KIF16B: variants seen among roughly 807,000 people sequenced by gnomAD.
KIF16B encodes kinesin family member 16B, also known as kinesin-like protein KIF16B.
Under a neutral mutation model 156.3 loss-of-function variants are expected in KIF16B, and 98 were observed. The ratio of observed to expected loss-of-function variants is 0.63; its 90% CI spans 0.53 to 0.74. The LOEUF (loss-of-function observed/expected upper bound fraction) is 0.74, where lower values mean the gene tolerates loss of function less well. KIF16B is among the 30% of genes least tolerant of loss of function. The pLI is 0.00. For missense variants in KIF16B, 1,421 were observed against 1,606.5 expected (o/e 0.88, Z 1.97); for synonymous variants, 564 against 583.7 (o/e 0.97, Z 0.49).
intron 1 of KIF16B, among the ~76,000 whole-genome samples, chr20:16,548,051 CA>C (rs1208046924): frequency 6.6e-6 from 1 of 152,190 alleles, no homozygotes; most frequent in East Asian, 1.9e-4. Context: ...TTAAATGTTT[CA>C]GAGGCACAAT....
At chr20:16,472,553 T>TAAAAAAAAAAAAAAA (rs11318601) in intron 12 of KIF16B, among the ~76,000 whole-genome samples, 2 of 113,562 alleles carry the variant, frequency 1.8e-5, no homozygotes, top group Non-Finnish European at 1.8e-5. Flanking sequence ...CATCTGAAAT[T>TAAAAAAAAAAAAAAA]AAAAAAAAAA....
intron 12 of KIF16B, among the ~76,000 whole-genome samples, chr20:16,433,222 T>C (rs2066549637): frequency 1.3e-5 from 2 of 152,186 alleles, no homozygotes; most frequent in Admixed American, 6.5e-5. Context: ...GTGACCAAAC[T>C]GCACACACAG....
At chr20:16,394,821 C>T (rs1428580716) in intron 17 of KIF16B, among the ~76,000 whole-genome samples, 7 of 152,090 alleles carry the variant, frequency 4.6e-5, no homozygotes, top group African/African-American at 1.7e-4. Flanking sequence ...TCTTCCCTCC[C>T]AGGACACGCA....
intron 15 of KIF16B, among the ~76,000 whole-genome samples, chr20:16,415,938 A>G (rs62198126): frequency 0.021 from 3,139 of 152,224 alleles, 60 homozygotes; most frequent in Non-Finnish European, 0.028. Context: ...GGAAGTAAAG[A>G]GTAGCTGTTG....
intron 1 of KIF16B, among the ~76,000 whole-genome samples, chr20:16,536,576 T>C (rs1464646327): frequency 1.3e-5 from 2 of 152,134 alleles, no homozygotes; most frequent in African/African-American, 2.4e-5. Context: ...ACATACCCCA[T>C]AAATATGTAC....
At chr20:16,393,402 T>G (rs563347048) in intron 17 of KIF16B, among the ~76,000 whole-genome samples, 76 of 152,236 alleles carry the variant, frequency 5.0e-4, no homozygotes, top group Non-Finnish European at 9.7e-4. Flanking sequence ...TCATTTCAAT[T>G]TATTTCCAAC....
chr20:16,569,867 T>TA (rs373253879), intron 1 of KIF16B, among the ~76,000 whole-genome samples: 13 of 150,720 alleles, frequency 8.6e-5, no homozygotes, highest in South Asian at 4.2e-4. Flanking sequence ...AAACAAACAG[T>TA]AAAAAAAAAG....
intron 4 of KIF16B, among the ~76,000 whole-genome samples, chr20:16,513,938 C>CA (rs1401077623): frequency 2.6e-5 from 4 of 151,922 alleles, no homozygotes; most frequent in African/African-American, 9.7e-5. Flanking sequence ...CCCCCACACC[C>CA]AAAAAAATAA....
chr20:16,289,698 G>A (rs6043863), intron 25 of KIF16B, among the ~76,000 whole-genome samples: 5,487 of 152,234 alleles, frequency 0.036, 113 homozygotes, highest in African/African-American at 0.044. Context: ...AAAATTAGCC[G>A]GGCGCAGTGG....
intron 12 of KIF16B, among the ~76,000 whole-genome samples, chr20:16,478,983 TCA>T (rs2067899201): frequency 6.6e-6 from 1 of 152,178 alleles, no homozygotes; most frequent in African/African-American, 2.4e-5. Context: ...GTGCATACAT[TCA>T]CCAAAGACAT....
At chr20:16,488,550 A>C (rs561709769) in intron 12 of KIF16B, among the ~76,000 whole-genome samples, 4 of 152,352 alleles carry the variant, frequency 2.6e-5, no homozygotes, top group African/African-American at 9.6e-5. Flanking sequence ...TTAAAGGATC[A>C]CTTCAAAAAA....
intron 1 of KIF16B, among the ~76,000 whole-genome samples, chr20:16,546,772 A>T (rs948850363): frequency 6.6e-5 from 10 of 152,164 alleles, no homozygotes; most frequent in East Asian, 5.8e-4. Flanking sequence ...TTTTTATTTA[A>T]TTATTTATTT....
chr20:16,554,595 G>A (rs750869231), intron 1 of KIF16B, among the ~76,000 whole-genome samples: 12 of 152,206 alleles, frequency 7.9e-5, no homozygotes, highest in Non-Finnish European at 1.3e-4. Context: ...CCCATCAAAT[G>A]GTGGGGCTAA....
intron 24 of KIF16B, among the ~76,000 whole-genome samples, chr20:16,328,645 C>T (rs1398255669): frequency 2.0e-5 from 3 of 152,050 alleles, no homozygotes; most frequent in Admixed American, 6.6e-5. Context: ...TGACTTAGTC[C>T]GTTCGGGCTG....
chr20:16,552,316 C>T (rs967354751), intron 1 of KIF16B, among the ~76,000 whole-genome samples: 1 of 152,210 alleles, frequency 6.6e-6, no homozygotes, highest in Non-Finnish European at 1.5e-5. Context: ...TGAAAATAAA[C>T]AAGTGGATAA....
chr20:16,566,541 T>C (rs2071263066), intron 1 of KIF16B, among the ~76,000 whole-genome samples: 1 of 152,194 alleles, frequency 6.6e-6, no homozygotes, highest in Non-Finnish European at 1.5e-5. Context: ...ACAGAACGCT[T>C]ACTTTTGGGC....
intron 15 of KIF16B, among the ~76,000 whole-genome samples, chr20:16,426,899 C>G (rs1266461830): frequency 2.0e-5 from 3 of 152,054 alleles, no homozygotes; most frequent in Non-Finnish European, 2.9e-5. Flanking sequence ...TATATATGTT[C>G]ATATTTAATT....
At chr20:16,408,848 C>G (rs1236361236) in intron 15 of KIF16B, among the ~76,000 whole-genome samples, 1 of 152,076 alleles carries the variant, frequency 6.6e-6, no homozygotes. Context: ...CTTTCTTCTT[C>G]TAAGCACCTG....
chr20:16,474,761 C>T (rs2067763370), intron 12 of KIF16B, among the ~76,000 whole-genome samples: 1 of 152,206 alleles, frequency 6.6e-6, no homozygotes, highest in Admixed American at 6.5e-5. Flanking sequence ...CTATGTACCA[C>T]TAAACCCAGG....
Sources: gnomAD v4.1 joint callset for allele counts (sites outside exome capture counted in the v4.1 genomes callset) on GRCh38, gnomAD v4.1.1 for gene constraint, MANE v1.5 for transcripts, NCBI Gene and HGNC (gene_info 2026-07-23, HGNC 2026-07-21) for gene names.